Variants in WDR27 observed in about 807,000 individuals in gnomAD.
WDR27 encodes WD repeat-containing protein 27.
In WDR27, 100 loss-of-function variants were observed where a neutral mutation model predicts 114.4. The observed-to-expected ratio is 0.87, with a 90% CI of 0.74 to 1.03. WDR27 has a LOEUF of 1.03. Ranked by LOEUF, WDR27 falls within the 50% of genes least tolerant of loss-of-function variation. The pLI is 0.00. For synonymous variants in WDR27, 449 were observed against 423.1 expected, an observed-to-expected ratio of 1.06 and a Z score of -0.75; for missense variants, 1,129 against 1,092.9, an observed-to-expected ratio of 1.03 and a Z score of -0.47.
chr6:169,549,984 T>C (rs774758009), intron 25 of WDR27, among the ~76,000 whole-genome samples: 30 of 152,092 alleles, frequency 2.0e-4, no homozygotes, highest in Non-Finnish European at 3.1e-4. Flanking sequence ...TCAGAACCCA[T>C]AGAAGGCACA....
intron 25 of WDR27, among the ~76,000 whole-genome samples, chr6:169,570,976 G>A (rs1333345710): frequency 6.6e-6 from 1 of 152,204 alleles, no homozygotes; most frequent in Non-Finnish European, 1.5e-5. Flanking sequence ...TCCCTGCCCG[G>A]TATTCTCTGT....
At chr6:169,427,656 G>A in the WDR27 span, among the ~76,000 whole-genome samples, 1 of 151,934 alleles carries the variant, frequency 6.6e-6, no homozygotes, top group Non-Finnish European at 1.5e-5. Context: ...AACTCCTTGC[G>A]TCCCTCGAGT....
At chr6:169,461,155 T>TA (rs1284848031) in intron 25 of WDR27, among the ~76,000 whole-genome samples, 3 of 151,902 alleles carry the variant, frequency 2.0e-5, no homozygotes, top group African/African-American at 7.3e-5. Flanking sequence ...AAGGAAGAAA[T>TA]AAACAGTTTT....
At chr6:169,482,334 G>T (rs1003587502) in intron 25 of WDR27, among the ~76,000 whole-genome samples, 1 of 152,200 alleles carries the variant, frequency 6.6e-6, no homozygotes, top group South Asian at 2.1e-4. Context: ...TTGCTAGGTT[G>T]AATGGTAATT....
intron 25 of WDR27, among the ~76,000 whole-genome samples, chr6:169,530,801 T>C (rs1795494748): frequency 6.6e-6 from 1 of 152,234 alleles, no homozygotes; most frequent in African/African-American, 2.4e-5. Context: ...GGCTCAATTC[T>C]AAATTTACCA....
intron 17 of WDR27, among the ~76,000 whole-genome samples, chr6:169,639,852 C>T (rs764292984): frequency 6.6e-6 from 1 of 152,094 alleles, no homozygotes; most frequent in Non-Finnish European, 1.5e-5. Context: ...CACCACCTGA[C>T]GGTTCTAAGA....
chr6:169,649,605 C>T (rs1001005397), intron 14 of WDR27, among the ~76,000 whole-genome samples: 3 of 151,986 alleles, frequency 2.0e-5, no homozygotes, highest in Non-Finnish European at 1.5e-5. Flanking sequence ...CCTCATCCCC[C>T]GGGGCTCCCA....
At chr6:169,661,185 C>T (rs1024720855) in intron 9 of WDR27, among the ~76,000 whole-genome samples, 12 of 152,366 alleles carry the variant, frequency 7.9e-5, no homozygotes, top group South Asian at 4.1e-4. Context: ...TGAAGACGCT[C>T]GCTCTGACCT....
At chr6:169,555,497 A>G (rs1169026217) in intron 25 of WDR27, among the ~76,000 whole-genome samples, 1 of 152,160 alleles carries the variant, frequency 6.6e-6, no homozygotes, top group Non-Finnish European at 1.5e-5. Flanking sequence ...GAGGATGAAA[A>G]AACAATCATC....
In WDR27 at chr6:169,504,373, C is replaced by T. The variant is rs183275450; in HGVS notation, c.2646-46739G>A. Among the ~76,000 whole-genome samples the T allele has an allele frequency of 1.8e-3, 276 of 152,216 alleles. 3 individuals carry two copies. Among genetic ancestry groups the T allele is most frequent in the African/African-American group, 6.0e-3 (251 of 41,526 alleles). ...GGTGGAGATAACTGAATCATGGGGG[C>T]GGTTTCCTTCATACTTTTCTTGTGA... On this transcript the variant is annotated intron_variant, in intron 25 of 25. Transcript: ENST00000448612.
intron 16 of WDR27, among the ~76,000 whole-genome samples, chr6:169,644,672 ATGAGTCACAC>A (rs1039858075): frequency 3.3e-5 from 5 of 150,972 alleles, no homozygotes; most frequent in Non-Finnish European, 5.9e-5. Context: ...CCTAGTTCAT[ATGAGTCACAC>A]TGTAGAAAAT....
intron 21 of WDR27, among the ~76,000 whole-genome samples, chr6:169,625,919 A>G (rs1814691313): frequency 6.6e-6 from 1 of 152,158 alleles, no homozygotes; most frequent in South Asian, 2.1e-4. Context: ...ACAGAAGCCA[A>G]CCAGGGTGTG....
intron 9 of WDR27, 139 bp from the exon 10 acceptor site, chr6:169,660,905 G>A (rs936824949): frequency 1.4e-6 from 1 of 739,130 alleles, no homozygotes; most frequent in Admixed American, 2.6e-5. Flanking sequence ...GCGCCCCCTG[G>A]CCTGGCTGTG....
chr6:169,621,653 C>T (rs1169070734), intron 21 of WDR27, among the ~76,000 whole-genome samples: 26 of 151,832 alleles, frequency 1.7e-4, no homozygotes, highest in Admixed American at 1.7e-3. Flanking sequence ...TACATACCCA[C>T]ACATTCATTC....
At position 169,644,940 on chromosome 6, in the gene WDR27, C is replaced by T. The variant is rs1370822052; in HGVS notation, c.1658-1154G>A. 3.5e-5 allele frequency among the ~76,000 whole-genome samples: 3 copies of T among 86,504 alleles called. 1 individual carries two copies. Among genetic ancestry groups the T allele is most frequent in the Admixed American group, 1.4e-4 (1 of 7,076 alleles). 56.7% of individuals were successfully genotyped at this position (86,504 alleles called of 152,430 possible). On this transcript the variant is annotated intron_variant, in intron 16 of 25. Coordinates refer to ENST00000448612, the MANE Select transcript of WDR27 (RefSeq NM_182552.5). ...AGGAGAATGGCGTGAACCCGGGAGG[C>T]GGAGCTTGCAGTGAGCCGAGATCCC...
At chr6:169,533,297 A>T (rs1260000483) in intron 25 of WDR27, among the ~76,000 whole-genome samples, 6 of 141,374 alleles carry the variant, frequency 4.2e-5, no homozygotes, top group Non-Finnish European at 9.2e-5. Context: ...TTGCAGGAAA[A>T]TTGGGGGGGG....
intron 23 of WDR27, among the ~76,000 whole-genome samples, chr6:169,599,035 C>A (rs1036295299): frequency 6.6e-6 from 1 of 152,012 alleles, no homozygotes; most frequent in Non-Finnish European, 1.5e-5. Flanking sequence ...ATGTGCACAA[C>A]GTGCAGGTTT....
At chr6:169,678,085 C>T (rs1421084768) in intron 2 of WDR27, among the ~76,000 whole-genome samples, 1 of 152,226 alleles carries the variant, frequency 6.6e-6, no homozygotes, top group Non-Finnish European at 1.5e-5. Context: ...CACAGAGTCC[C>T]CACTGAGGCA....
intron 25 of WDR27, among the ~76,000 whole-genome samples, chr6:169,465,258 CAAAAAAAA>C (rs56688798): frequency 2.0e-5 from 2 of 101,164 alleles, no homozygotes; most frequent in African/African-American, 4.5e-5. Context: ...AACTCCATCT[CAAAAAAAA>C]AAAAAAAAAA....
Sources: allele counts gnomAD v4.1 joint callset (sites outside exome capture counted in the v4.1 genomes callset), GRCh38; gene constraint gnomAD v4.1.1; transcripts MANE v1.5; gene names NCBI Gene and HGNC (gene_info 2026-07-23, HGNC 2026-07-21).